Variants in ANGPT1 observed in about 807,000 individuals in gnomAD.
ANGPT1 encodes the protein angiopoietin 1, also known as angiopoietin-1.
Under a neutral mutation model 62.2 loss-of-function variants are expected in ANGPT1, and 17 were observed. The ratio of observed to expected loss-of-function variants is 0.27; its 90% CI spans 0.19 to 0.41. The LOEUF (loss-of-function observed/expected upper bound fraction) is 0.41, where lower values mean the gene tolerates loss of function less well. ANGPT1 is among the 10% of genes least tolerant of loss of function. ANGPT1 has a pLI of 1.00. For missense variants in ANGPT1, 478 were observed against 594.9 expected (o/e 0.80, Z 2.04); for synonymous variants, 199 against 198.9 (o/e 1.00, Z 0.00).
At chr8:107,473,270 C>A (rs1397523865) in intron 1 of ANGPT1, among the ~76,000 whole-genome samples, 1 of 151,988 alleles carries the variant, frequency 6.6e-6, no homozygotes, top group Non-Finnish European at 1.5e-5. Flanking sequence ...GCAGAACTAC[C>A]AAAGCATGCA....
At chr8:107,265,214 G>C (rs997603574) in intron 7 of ANGPT1, among the ~76,000 whole-genome samples, 2 of 152,040 alleles carry the variant, frequency 1.3e-5, no homozygotes, top group Admixed American at 1.3e-4. Context: ...CTGATCTTTT[G>C]TTTAAAAGGC....
At chr8:107,447,699 G>T (rs1022318378) in intron 1 of ANGPT1, among the ~76,000 whole-genome samples, 6 of 152,144 alleles carry the variant, frequency 3.9e-5, no homozygotes, top group Admixed American at 1.3e-4. Flanking sequence ...AATTTAGAGG[G>T]CCACCAGTTC....
chr8:107,426,412 C>T (rs557924577), intron 1 of ANGPT1, among the ~76,000 whole-genome samples: 30 of 152,304 alleles, frequency 2.0e-4, no homozygotes, highest in African/African-American at 6.5e-4. Context: ...GAATTATTTG[C>T]ACTAAGTTAC....
intron 1 of ANGPT1, among the ~76,000 whole-genome samples, chr8:107,464,173 A>C (rs1385480661): frequency 8.5e-5 from 13 of 152,140 alleles, no homozygotes; most frequent in Non-Finnish European, 1.5e-4. Flanking sequence ...CTCATCTCCA[A>C]AATGAAGATG....
At chr8:107,457,619 T>A (rs1173180200) in intron 1 of ANGPT1, among the ~76,000 whole-genome samples, 1 of 151,664 alleles carries the variant, frequency 6.6e-6, no homozygotes, top group Admixed American at 6.6e-5. Context: ...CAAGCACACG[T>A]GTCAGCTCTA....
chr8:107,496,619 C>T (rs1174687854), intron 1 of ANGPT1, among the ~76,000 whole-genome samples: 1 of 152,052 alleles, frequency 6.6e-6, no homozygotes, highest in African/African-American at 2.4e-5. Context: ...AACCCCTTTC[C>T]GACAGTTAAC....
intron 1 of ANGPT1, among the ~76,000 whole-genome samples, chr8:107,387,897 C>G (rs954447524): frequency 6.6e-6 from 1 of 151,946 alleles, no homozygotes; most frequent in South Asian, 2.1e-4. Flanking sequence ...AGTAAAATGT[C>G]TGAATCCCAA....
intron 1 of ANGPT1, among the ~76,000 whole-genome samples, chr8:107,406,261 C>G (rs1192874711): frequency 6.6e-6 from 1 of 151,730 alleles, no homozygotes; most frequent in Non-Finnish European, 1.5e-5. Flanking sequence ...CATGAAAGCT[C>G]TTTACATAGT....
intron 8 of ANGPT1, among the ~76,000 whole-genome samples, chr8:107,260,677 C>T (rs1000208915): frequency 6.6e-6 from 1 of 152,100 alleles, no homozygotes; most frequent in Non-Finnish European, 1.5e-5. Context: ...TTTAGCTTTC[C>T]ATAATAAATA....
At chr8:107,357,486 A>T (rs542604114) in intron 1 of ANGPT1, among the ~76,000 whole-genome samples, 2 of 152,306 alleles carry the variant, frequency 1.3e-5, no homozygotes, top group Admixed American at 1.3e-4. Context: ...ACTTAAAAAG[A>T]GAAAGATTTG....
At chr8:107,271,499 G>C (rs544070901) in intron 7 of ANGPT1, among the ~76,000 whole-genome samples, 1 of 152,002 alleles carries the variant, frequency 6.6e-6, no homozygotes, top group African/African-American at 2.4e-5. Flanking sequence ...TAAGTGTTCT[G>C]AGAGTGATAA....
chr8:107,423,462 C>T (rs966770306), intron 1 of ANGPT1, among the ~76,000 whole-genome samples: 15 of 152,188 alleles, frequency 9.9e-5, no homozygotes, highest in African/African-American at 3.1e-4. Flanking sequence ...CCTGGGCCCC[C>T]GAAAGGCCAT....
intron 1 of ANGPT1, among the ~76,000 whole-genome samples, chr8:107,444,049 A>G (rs1563625173): frequency 6.6e-6 from 1 of 152,168 alleles, no homozygotes; most frequent in Non-Finnish European, 1.5e-5. Context: ...TGTCCTTCCA[A>G]AATTGTCTAA....
intron 1 of ANGPT1, among the ~76,000 whole-genome samples, chr8:107,463,221 C>A (rs1812116868): frequency 6.6e-6 from 1 of 152,096 alleles, no homozygotes; most frequent in Admixed American, 6.6e-5. Flanking sequence ...GTCCTCAGCT[C>A]AACTGCCCAC....
Position 107,286,518 on chromosome 8 carries a change from GAC to G in ANGPT1, c.1039-1672_1039-1671del, listed in dbSNP as rs939984700. Among the ~76,000 whole-genome samples, 5 of 152,214 alleles carry G rather than the reference GAC, an allele frequency of 3.3e-5. No homozygotes were observed. In the East Asian group the frequency reaches 5.8e-4, roughly 18 times the overall value. ...GGGAAAGTTTTAGGAAAGAACTGAT[GAC>G]ACAGAATTCCAGGCTTTGGCCCTCG... is the stretch of plus-strand genomic sequence containing the variant. On this transcript the variant is annotated intron_variant, in intron 6 of 8. Coordinates refer to ENST00000517746, the MANE Select transcript of ANGPT1 (RefSeq NM_001146.5).
chr8:107,460,635 C>T (rs530366197), intron 1 of ANGPT1, among the ~76,000 whole-genome samples: 186 of 152,200 alleles, frequency 1.2e-3, no homozygotes, highest in Middle Eastern at 3.4e-3. Flanking sequence ...CAAACACACA[C>T]AAATATGCAG....
At chr8:107,289,087 G>A (rs1009397604) in intron 6 of ANGPT1, among the ~76,000 whole-genome samples, 4 of 152,086 alleles carry the variant, frequency 2.6e-5, no homozygotes, top group Admixed American at 1.3e-4. Context: ...GTTTAATGAT[G>A]TCAAACACAA....
chr8:107,316,914 T>C (rs1815026604), intron 4 of ANGPT1, among the ~76,000 whole-genome samples: 1 of 152,196 alleles, frequency 6.6e-6, no homozygotes, highest in Admixed American at 6.5e-5. Context: ...GGGCAAATTC[T>C]CAAATTCTCT....
At chr8:107,484,911 A>G (rs1307123082) in intron 1 of ANGPT1, among the ~76,000 whole-genome samples, 2 of 152,170 alleles carry the variant, frequency 1.3e-5, no homozygotes, top group African/African-American at 4.8e-5. Flanking sequence ...TTTAATATGT[A>G]TTTGCTGTAT....
Sources: gnomAD v4.1 joint callset for allele counts (sites outside exome capture counted in the v4.1 genomes callset) on GRCh38, gnomAD v4.1.1 for gene constraint, MANE v1.5 for transcripts, NCBI Gene and HGNC (gene_info 2026-07-23, HGNC 2026-07-21) for gene names.